Variants in CCDC90B observed in about 807,000 individuals in gnomAD.
CCDC90B encodes coiled-coil domain-containing protein 90B, mitochondrial.
A neutral mutation model predicts 37.0 loss-of-function variants in CCDC90B; 24 were observed. The ratio of observed to expected loss-of-function variants is 0.65; its 90% CI spans 0.47 to 0.91. The LOEUF (loss-of-function observed/expected upper bound fraction) is 0.91. CCDC90B is among the 40% of genes least tolerant of loss of function. CCDC90B has a pLI of 0.00. For missense variants in CCDC90B, 319 were observed against 299.0 expected (o/e 1.07, Z -0.49); for synonymous variants, 113 against 101.1 (o/e 1.12, Z -0.71).
Position 83,285,937 on chromosome 11 carries a change from G to A in CCDC90B, c.36C>T (p.Ser12=), listed in dbSNP as rs1474101974. 1 of 1,613,298 alleles carries A rather than the reference G, an allele frequency of 6.2e-7. No individual in the cohort carries two copies. The highest frequency in any genetic ancestry group is 1.1e-5 in the South Asian group (1 of 90,956). Reference sequence around the variant, plus strand: ...AAACCCAACGATCTCCTCTGCCTTGGGAGAGAAAGAGCCGCCAAGCCTGGC... The same window carrying A: ...AAACCCAACGATCTCCTCTGCCTTGAGAGAGAAAGAGCCGCCAAGCCTGGC... ...NSRQAWRLFL[S]QGRGDRWVSR... The change falls in exon 1 of 9, where the codon TCC becomes TCT. Residue 12 remains serine, a synonymous_variant. Transcript: ENST00000529689.
chr11:83,270,821 T>C (rs1459945010), intron 7 of CCDC90B, among the ~76,000 whole-genome samples: 1 of 152,114 alleles, frequency 6.6e-6, no homozygotes, highest in East Asian at 1.9e-4. Flanking sequence ...GCGAAGACAA[T>C]CCTAAGCAAA....
At chr11:83,277,763 T>C (rs1003659297) in intron 3 of CCDC90B, among the ~76,000 whole-genome samples, 6 of 152,082 alleles carry the variant, frequency 3.9e-5, no homozygotes, top group Non-Finnish European at 8.8e-5. Context: ...CCCAAAGTAA[T>C]GGGATTACAG....
At chr11:83,274,797 C>T in intron 3 of CCDC90B, 57 bp from the exon 4 acceptor site, 3 of 1,111,600 alleles carry the variant, frequency 2.7e-6, no homozygotes, top group Non-Finnish European at 2.7e-6. Context: ...TTTTTATTTA[C>T]AGAATTGTTT....
chr11:83,274,729 T>C lies in CCDC90B; in HGVS notation c.336A>G (p.Val112=), dbSNP rs925635136. 1.2e-6 allele frequency: 2 copies of C among 1,604,180 alleles called. No individual in the cohort carries two copies. The highest frequency in any genetic ancestry group is 1.7e-6 in the Non-Finnish European group (2 of 1,172,746). The change falls in exon 4 of 9, where the codon GTA becomes GTG. Residue 112 remains valine, a synonymous_variant. Coordinates refer to ENST00000529689, the MANE Select transcript of CCDC90B (RefSeq NM_021825.5). The part of the protein sequence containing the change: ...MVTQAQQEIT[V]QQLMAHLDAI... The stretch of plus-strand genomic sequence containing the variant: ...CATCCAAATGAGCCATTAGCTGTTG[T>C]ACTGTTATTTCCTAGAAAACAAAAT...
At chr11:83,269,983 A>T (rs1050158554) in intron 7 of CCDC90B, among the ~76,000 whole-genome samples, 1 of 152,232 alleles carries the variant, frequency 6.6e-6, no homozygotes, top group African/African-American at 2.4e-5. Flanking sequence ...CATCCCTGGG[A>T]TGCAAAGCTG....
At position 83,259,742 on chromosome 11, in the gene CCDC90B, G is replaced by A. The variant is rs537294562; in HGVS notation, c.*2169C>T. ...ATAGGTATGATCATGGTACACTTTA[G>A]CCTTGATGAACTCCTTGGCTCAAGC... is the stretch of plus-strand genomic sequence containing the variant. On this transcript the variant is annotated 3_prime_UTR_variant, in exon 9 of 9. Transcript: ENST00000529689. 1 of 152,098 alleles carries A rather than the reference G, an allele frequency of 6.6e-6. No individual in the cohort carries two copies. The highest frequency in any genetic ancestry group is 2.1e-4 in the South Asian group (1 of 4,752). 9.4% of individuals were successfully genotyped at this position (152,098 alleles called of 1,614,324 possible).
chr11:83,286,254 C>G lies in CCDC90B; in HGVS notation c.-282G>C, dbSNP rs902591146. Reference sequence around the variant, plus strand: ...CCGCCCTAGGAAAGCGAGATCTTGTCAGAGAACCTTCCGGCGCCTGTTTCC... The same window carrying G: ...CCGCCCTAGGAAAGCGAGATCTTGTGAGAGAACCTTCCGGCGCCTGTTTCC... On this transcript the variant is annotated 5_prime_UTR_variant, in exon 1 of 9. Coordinates refer to ENST00000529689, the MANE Select transcript of CCDC90B (RefSeq NM_021825.5). 6 of 1,445,756 alleles carry G rather than the reference C, an allele frequency of 4.2e-6. No homozygotes were observed. The Admixed American group carries it at 1.0e-4, about 25-fold the overall frequency. The allele number at this position is 1,445,756 out of a possible 1,614,324, so 89.6% of individuals were successfully genotyped here. A position where few individuals can be genotyped will look rare whatever the true frequency, so the allele number is the denominator to read the frequency against.
chr11:83,268,585 C>G (rs973880154), intron 7 of CCDC90B, among the ~76,000 whole-genome samples: 2 of 152,154 alleles, frequency 1.3e-5, no homozygotes, highest in Admixed American at 6.5e-5. Context: ...GCACCCAATA[C>G]AGGAGCAGCC....
chr11:83,270,412 A>C (rs1268392907), intron 7 of CCDC90B, among the ~76,000 whole-genome samples: 2 of 152,206 alleles, frequency 1.3e-5, no homozygotes, highest in East Asian at 3.8e-4. Context: ...CCACTGTCAC[A>C]GCCCAAAATC....
At chr11:83,263,499 G>C (rs1864054622) in intron 8 of CCDC90B, among the ~76,000 whole-genome samples, 2 of 152,110 alleles carry the variant, frequency 1.3e-5, no homozygotes, top group Admixed American at 6.6e-5. Context: ...GCATATGCCT[G>C]GTACATTTTA....
In CCDC90B at chr11:83,265,909, G is replaced by GT; in HGVS notation, c.664dup (p.Thr222AsnfsTer6). On this transcript the variant is annotated frameshift_variant, in exon 8 of 9. Transcript: ENST00000529689. LOFTEE classifies it high-confidence loss of function. ...CTCAAGTTTGTTAGATTCCATCAGT[G>GT]TTTTTAAGGAAGCAATTTCAGCGTC... 6.2e-7 allele frequency: 1 copy of GT among 1,611,732 alleles called. No individual in the cohort carries two copies. The highest frequency in any genetic ancestry group is 8.5e-7 in the Non-Finnish European group (1 of 1,178,896).
At chr11:83,280,027 T>G in intron 2 of CCDC90B, 114 bp downstream of exon 2, 1 of 976,676 alleles carries the variant, frequency 1.0e-6, no homozygotes, top group South Asian at 1.9e-5. Flanking sequence ...TTTCATTGTA[T>G]GGATGGTACA....
intron 7 of CCDC90B, among the ~76,000 whole-genome samples, chr11:83,271,792 G>T (rs1022922874): frequency 2.0e-5 from 3 of 152,158 alleles, no homozygotes; most frequent in Admixed American, 1.3e-4. Flanking sequence ...TATAAATCAT[G>T]CTACTATAAA....
chr11:83,265,652 A>C lies in CCDC90B; in HGVS notation c.709+213T>G, dbSNP rs144883472. Among the ~76,000 whole-genome samples, 417 of 152,296 alleles carry C rather than the reference A, an allele frequency of 2.7e-3. 2 individuals are homozygous for C. Among genetic ancestry groups the C allele is most frequent in the African/African-American group, 9.4e-3 (391 of 41,564 alleles). On this transcript the variant is annotated intron_variant, in intron 8 of 8. Transcript: ENST00000529689. ...GGCTGCGTCTAATTTGTAATCTGCT[A>C]TAATAAAAATTATAAGTATTAAAAA...
At chr11:83,268,877 C>G (rs985105229) in intron 7 of CCDC90B, among the ~76,000 whole-genome samples, 1 of 152,110 alleles carries the variant, frequency 6.6e-6, no homozygotes, top group African/African-American at 2.4e-5. Flanking sequence ...TTGCACTCCT[C>G]AGCAAATGTA....
chr11:83,286,299 A>G lies in CCDC90B; in HGVS notation c.-327T>C, dbSNP rs113558512. The stretch of plus-strand genomic sequence containing the variant: ...GTTTCCTGGCAGTGGGGCATAGTCC[A>G]ACAGCTGGCTCCCCCAAGATAGCCA... On this transcript the variant is annotated 5_prime_UTR_variant, in exon 1 of 9. Coordinates refer to ENST00000529689, the MANE Select transcript of CCDC90B (RefSeq NM_021825.5). 1.9e-6 allele frequency: 2 copies of G among 1,044,176 alleles called. No homozygotes were observed. The allele number at this position is 1,044,176 out of a possible 1,614,324, so 64.7% of individuals were successfully genotyped here.
intron 7 of CCDC90B, chr11:83,267,339 A>T (rs1299680323): frequency 6.6e-6 from 1 of 152,238 alleles, no homozygotes; most frequent in Non-Finnish European, 1.5e-5. Flanking sequence ...GGATGTTTGA[A>T]CCCATTGCAA....
chr11:83,280,347 T>C (rs1565219539), intron 1 of CCDC90B, 87 bp from the exon 2 acceptor site: 1 of 1,176,132 alleles, frequency 8.5e-7, no homozygotes, highest in East Asian at 2.4e-5. Flanking sequence ...CCCATCCATT[T>C]ATAATATAGT....
At chr11:83,269,805 T>C (rs1175902190) in intron 7 of CCDC90B, among the ~76,000 whole-genome samples, 1 of 152,184 alleles carries the variant, frequency 6.6e-6, no homozygotes, top group African/African-American at 2.4e-5. Context: ...TAACTCATTT[T>C]ATGAGGCCAA....
Sources: gnomAD v4.1 joint callset for allele counts (sites outside exome capture counted in the v4.1 genomes callset) on GRCh38, gnomAD v4.1.1 for gene constraint, MANE v1.5 for transcripts, NCBI Gene and HGNC (gene_info 2026-07-23, HGNC 2026-07-21) for gene names.